The following KNL1 variants were observed in gnomAD, a reference collection of about 807,000 sequenced individuals.
The protein encoded by KNL1 is outer kinetochore KNL1 complex subunit KNL1.
Under a neutral mutation model 201.3 loss-of-function variants are expected in KNL1, and 66 were observed. That is an observed-to-expected ratio of 0.33 (90% CI 0.27 to 0.40). The LOEUF (loss-of-function observed/expected upper bound fraction) is 0.40. Among genes scored for constraint, KNL1 ranks in the 10% least tolerant of loss-of-function variants. The pLI, the probability that KNL1 is intolerant of heterozygous loss-of-function variation, is 1.00. For missense variants in KNL1, 2,815 were observed against 2,690.5 expected (o/e 1.05, Z -1.02); for synonymous variants, 895 against 899.2 (o/e 1.00, Z 0.08).
At chr15:40,635,623 G>A (rs1595935459) in intron 13 of KNL1, among the ~76,000 whole-genome samples, 1 of 152,108 alleles carries the variant, frequency 6.6e-6, no homozygotes, top group African/African-American at 2.4e-5. Context: ...CAAAGTGCTG[G>A]GATTATAGGT....
chr15:40,617,481 T>G (rs151235214), intron 8 of KNL1, among the ~76,000 whole-genome samples: 147 of 152,238 alleles, frequency 9.7e-4, no homozygotes, highest in African/African-American at 3.5e-3. Flanking sequence ...TCCTAGCAAT[T>G]ATTATTATAT....
Position 40,628,757 on chromosome 15 carries a change from T to C in KNL1, c.5583+79T>C. 1.2e-5 allele frequency: 11 copies of C among 922,882 alleles called. No homozygotes were observed. In the South Asian group the frequency reaches 2.0e-4, roughly 17 times the overall value. The allele number at this position is 922,882 out of a possible 1,614,324, so 57.2% of individuals were successfully genotyped here. The stretch of plus-strand genomic sequence containing the variant: ...GTCTCATTTCTAATACACGTAATAT[T>C]CTTGGTTTAAAAAATTTTTTTTAAT... On this transcript the variant is annotated intron_variant, in intron 12 of 25. Coordinates refer to ENST00000399668, the MANE Select transcript of KNL1 (RefSeq NM_144508.5).
intron 13 of KNL1, among the ~76,000 whole-genome samples, chr15:40,629,633 A>G (rs1277441341): frequency 6.7e-6 from 1 of 150,270 alleles, no homozygotes; most frequent in Non-Finnish European, 1.5e-5. Flanking sequence ...CCTCCTGAGT[A>G]GCTGGGACTA....
intron 9 of KNL1, 80 bp downstream of exon 9, chr15:40,619,091 A>T: frequency 2.0e-6 from 2 of 992,540 alleles, no homozygotes; most frequent in Non-Finnish European, 3.2e-6. Context: ...TGATAATGGC[A>T]TAGTTTAGGG....
At chr15:40,612,017 T>TA (rs1383020024) in intron 7 of KNL1, among the ~76,000 whole-genome samples, 1 of 151,872 alleles carries the variant, frequency 6.6e-6, no homozygotes, top group Admixed American at 6.6e-5. Flanking sequence ...CCATCTCTAC[T>TA]AAAAAAATAC....
intron 13 of KNL1, among the ~76,000 whole-genome samples, chr15:40,630,545 A>ACTTCCCATTCT (rs1892885454): frequency 6.6e-6 from 1 of 152,170 alleles, no homozygotes; most frequent in African/African-American, 2.4e-5. Flanking sequence ...ATTTACAGCC[A>ACTTCCCATTCT]CTTCCCATTG....
chr15:40,619,062 A>G (rs1235665246), intron 9 of KNL1, 51 bp downstream of exon 9: 2 of 1,189,254 alleles, frequency 1.7e-6, no homozygotes, highest in East Asian at 2.3e-5. Context: ...TGATTGTTAA[A>G]ACAGAAAACA....
intron 10 of KNL1, 33 bp downstream of exon 10, chr15:40,625,673 G>T: frequency 6.4e-6 from 10 of 1,554,260 alleles, no homozygotes; most frequent in Non-Finnish European, 8.8e-6. Context: ...GAATGTTCTT[G>T]AATTTTGGGT....
intron 13 of KNL1, among the ~76,000 whole-genome samples, chr15:40,633,280 C>T (rs547182303): frequency 9.2e-5 from 13 of 141,896 alleles, no homozygotes; most frequent in Non-Finnish European, 1.5e-4. Flanking sequence ...CACTGCGCTC[C>T]AGCCTGGGCG....
intron 13 of KNL1, among the ~76,000 whole-genome samples, chr15:40,640,187 C>G (rs1893185205): frequency 6.7e-6 from 1 of 150,024 alleles, no homozygotes; most frequent in African/African-American, 2.5e-5. Flanking sequence ...GCCTACACCT[C>G]CTGGGCTCAA....
intron 13 of KNL1, among the ~76,000 whole-genome samples, chr15:40,634,106 TG>T (rs1223394153): frequency 6.6e-6 from 1 of 152,098 alleles, no homozygotes; most frequent in Non-Finnish European, 1.5e-5. Context: ...TGTTGTTGTT[TG>T]TTTGTTTGTT....
chr15:40,649,129 C>T (rs901749215), intron 17 of KNL1, among the ~76,000 whole-genome samples: 38 of 150,678 alleles, frequency 2.5e-4, no homozygotes, highest in Admixed American at 2.5e-3. Context: ...TGAGCCACTG[C>T]GCCTGGCCCA....
chr15:40,639,500 G>T (rs960592968), intron 13 of KNL1, among the ~76,000 whole-genome samples: 1 of 148,794 alleles, frequency 6.7e-6, no homozygotes, highest in East Asian at 2.0e-4. Flanking sequence ...CAGGAGAATC[G>T]CTTGAAGCCA....
At chr15:40,600,854 T>C (rs1891769481) in intron 1 of KNL1, among the ~76,000 whole-genome samples, 1 of 152,256 alleles carries the variant, frequency 6.6e-6, no homozygotes, top group Non-Finnish European at 1.5e-5. Flanking sequence ...GTTATGCCTC[T>C]AAGTTCATAT....
intron 20 of KNL1, 87 bp downstream of exon 20, chr15:40,651,659 A>G (rs1284839275): frequency 2.8e-5 from 25 of 903,692 alleles, no homozygotes; most frequent in Non-Finnish European, 4.2e-5. Context: ...TGTATTTTTA[A>G]TGTGTTGCTG....
chr15:40,646,061 TACC>T (rs1893374344), intron 16 of KNL1, among the ~76,000 whole-genome samples: 1 of 152,222 alleles, frequency 6.6e-6, no homozygotes, highest in South Asian at 2.1e-4. Context: ...CTAAGGACTA[TACC>T]ATAGTATTAT....
In KNL1 at chr15:40,621,455, A is replaced by G. The variant is rs1892523312; in HGVS notation, c.1191A>G (p.Ile397Met). The G allele has an allele frequency of 6.2e-7, 1 of 1,613,868 alleles. No individual in the cohort carries two copies. Residue 397 changes from isoleucine (I) to methionine (M), a missense_variant, in exon 10 of 26, where the codon ATA becomes ATG. Physicochemically the swap from Ile to Met is conservative, Grantham distance 10. Around this residue, in one of 3 missense-constraint regions of KNL1, gnomAD observed 2,464 missense variants for 2,291.7 expected, o/e 1.08. Transcript: ENST00000399668. ...RSHIMGAETHIVSQTCNQDAR... is the reference protein window; with the variant it reads ...RSHIMGAETHMVSQTCNQDAR... ...ATATTATGGGGGCAGAAACTCACAT[A>G]GTCTCACAGACTTGTAATCAGGATG...
intron 10 of KNL1, among the ~76,000 whole-genome samples, chr15:40,627,788 A>AT (rs1429524859): frequency 6.6e-6 from 1 of 152,192 alleles, no homozygotes; most frequent in African/African-American, 2.4e-5. Flanking sequence ...GAATAATTGG[A>AT]TAGGTGAACA....
intron 8 of KNL1, among the ~76,000 whole-genome samples, chr15:40,618,374 C>G (rs919927894): frequency 6.6e-6 from 1 of 152,076 alleles, no homozygotes; most frequent in Non-Finnish European, 1.5e-5. Context: ...TTTTATAAAG[C>G]ACATGTGTCT....
Sources: gnomAD v4.1 joint callset for allele counts (sites outside exome capture counted in the v4.1 genomes callset) on GRCh38, gnomAD v4.1.1 for gene constraint, gnomAD v4.1.1 regional missense constraint, MANE v1.5 for transcripts, NCBI Gene and HGNC (gene_info 2026-07-23, HGNC 2026-07-21) for gene names.